The following ZNF407 variants were observed in gnomAD, a reference collection of about 807,000 sequenced individuals.
ZNF407 encodes zinc finger protein 407.
Under a neutral mutation model 131.2 loss-of-function variants are expected in ZNF407, and 17 were observed. That is an observed-to-expected ratio of 0.13 (90% CI 0.09 to 0.19). The LOEUF is 0.19. Ranked by LOEUF, ZNF407 falls within the 10% of genes least tolerant of loss-of-function variation. ZNF407 has a pLI of 1.00. For missense variants in ZNF407, 2,681 were observed against 2,830.6 expected (o/e 0.95, Z 1.20); for synonymous variants, 1,156 against 1,062.0 (o/e 1.09, Z -1.72).
chr18:74,644,600 A>G (rs1984882812), intron 3 of ZNF407, among the ~76,000 whole-genome samples: 4 of 151,942 alleles, frequency 2.6e-5, no homozygotes, highest in Admixed American at 2.6e-4. Flanking sequence ...TACTCTAAAT[A>G]GTATTTATGC....
intron 3 of ZNF407, among the ~76,000 whole-genome samples, chr18:74,774,923 T>A (rs1969436692): frequency 6.6e-6 from 1 of 152,194 alleles, no homozygotes. Context: ...TAATACATTC[T>A]TAGTGAGAGA....
chr18:74,954,793 G>GAACTTCA (rs1232384911), intron 8 of ZNF407, among the ~76,000 whole-genome samples: 1 of 152,114 alleles, frequency 6.6e-6, no homozygotes, highest in Non-Finnish European at 1.5e-5. Flanking sequence ...AGCCACCAGT[G>GAACTTCA]AACTTCATCA....
intron 3 of ZNF407, among the ~76,000 whole-genome samples, chr18:74,680,159 G>A (rs1966947650): frequency 6.6e-6 from 1 of 152,148 alleles, no homozygotes; most frequent in Admixed American, 6.5e-5. Context: ...GGGAGGTTGA[G>A]GTGGGCAGAT....
chr18:74,800,959 C>T (rs545380823), intron 4 of ZNF407, among the ~76,000 whole-genome samples: 56 of 151,858 alleles, frequency 3.7e-4, no homozygotes, highest in African/African-American at 1.3e-3. Flanking sequence ...TTCATTATAC[C>T]GTTTTTTTTT....
chr18:74,643,015 G>A (rs1161388957), intron 3 of ZNF407, among the ~76,000 whole-genome samples: 3 of 152,228 alleles, frequency 2.0e-5, no homozygotes, highest in Admixed American at 1.3e-4. Flanking sequence ...ACTGATCTTT[G>A]TAGTTGGAAC....
intron 4 of ZNF407, among the ~76,000 whole-genome samples, chr18:74,865,839 G>A (rs1426017): frequency 0.011 from 1,658 of 152,216 alleles, 22 homozygotes; most frequent in African/African-American, 0.037. Flanking sequence ...TGCTCTATGA[G>A]GTTTTTCCCA....
chr18:74,781,108 C>T (rs913589650), intron 3 of ZNF407, among the ~76,000 whole-genome samples: 2 of 152,158 alleles, frequency 1.3e-5, no homozygotes, highest in South Asian at 2.1e-4. Context: ...AGGGGCTGTG[C>T]ATGTTATACT....
chr18:74,611,959 C>T (rs765146784), intron 1 of ZNF407, among the ~76,000 whole-genome samples: 3 of 152,138 alleles, frequency 2.0e-5, no homozygotes, highest in African/African-American at 7.2e-5. Context: ...CACAGTCACG[C>T]TCTTTGTAAG....
intron 8 of ZNF407, among the ~76,000 whole-genome samples, chr18:75,047,673 A>G (rs1305760751): frequency 6.6e-6 from 1 of 152,246 alleles, no homozygotes; most frequent in Non-Finnish European, 1.5e-5. Flanking sequence ...TCTGTAAATT[A>G]AGTAAGACAA....
rs182776133 is a variant in ZNF407 at position 74,921,146 on chromosome 18, A to C, written c.5428+454A>C. Reference sequence around the variant, plus strand: ...CGACCACGACCACGGAGTCAAGCGTAGTGGGTGGTAACGGTGCTGTGCGTT... The same window carrying C: ...CGACCACGACCACGGAGTCAAGCGTCGTGGGTGGTAACGGTGCTGTGCGTT... On this transcript the variant is annotated intron_variant, in intron 8 of 8. Transcript: ENST00000299687. 8.7e-4 allele frequency: 415 copies of C among 475,546 alleles called. 4 individuals are homozygous for C. Among genetic ancestry groups the C allele is most frequent in the African/African-American group, 8.1e-3 (386 of 47,496 alleles). The allele number at this position is 475,546 out of a possible 1,614,324, so 29.5% of individuals were successfully genotyped here.
intron 3 of ZNF407, among the ~76,000 whole-genome samples, chr18:74,755,771 T>TTCTTTCTTTCTCTCTC (rs1265035731): frequency 1.5e-5 from 2 of 130,530 alleles, no homozygotes; most frequent in African/African-American, 3.3e-5. Flanking sequence ...CTTTCTTTCT[T>TTCTTTCTTTCTCTCTC]TCTCTCTCTC....
chr18:74,915,404 AGTGTGTGTGT>A (rs61019062), intron 7 of ZNF407, among the ~76,000 whole-genome samples: 1 of 105,790 alleles, frequency 9.5e-6, no homozygotes, highest in Non-Finnish European at 1.9e-5. Flanking sequence ...TCGAATCAGG[AGTGTGTGTGT>A]GTGTGTGTGT....
intron 4 of ZNF407, among the ~76,000 whole-genome samples, chr18:74,802,011 G>T (rs1410637944): frequency 6.6e-6 from 1 of 151,194 alleles, no homozygotes; most frequent in Non-Finnish European, 1.5e-5. Flanking sequence ...ATTTTCCTTT[G>T]CTTAAACAAA....
At chr18:74,600,935 A>T (rs1166902578) in intron 1 of ZNF407, among the ~76,000 whole-genome samples, 1 of 152,154 alleles carries the variant, frequency 6.6e-6, no homozygotes, top group Non-Finnish European at 1.5e-5. Flanking sequence ...GCATGGTGTA[A>T]GGCTAGGGGA....
At chr18:74,814,007 A>C (rs1246525067) in intron 4 of ZNF407, among the ~76,000 whole-genome samples, 1 of 152,114 alleles carries the variant, frequency 6.6e-6, no homozygotes, top group African/African-American at 2.4e-5. Flanking sequence ...TCTGTGTTGG[A>C]TGTGTGGTTC....
chr18:74,796,678 TTG>T (rs1491133756), intron 4 of ZNF407, among the ~76,000 whole-genome samples: 1 of 152,172 alleles, frequency 6.6e-6, no homozygotes, highest in Non-Finnish European at 1.5e-5. Flanking sequence ...GACTCCCAAA[TTG>T]TTTTTAAATT....
intron 8 of ZNF407, among the ~76,000 whole-genome samples, chr18:75,019,948 AG>A (rs1973088035): frequency 6.6e-6 from 1 of 152,120 alleles, no homozygotes; most frequent in African/African-American, 2.4e-5. Flanking sequence ...ACCTCCCACC[AG>A]GTCCCTCCCC....
intron 3 of ZNF407, among the ~76,000 whole-genome samples, chr18:74,780,204 A>G (rs1024524951): frequency 3.9e-5 from 6 of 152,314 alleles, no homozygotes; most frequent in African/African-American, 1.2e-4. Flanking sequence ...TTATTTGAAT[A>G]AAGAAGTCAT....
intron 4 of ZNF407, among the ~76,000 whole-genome samples, chr18:74,825,113 CAT>C (rs1377061158): frequency 6.6e-6 from 1 of 152,176 alleles, no homozygotes; most frequent in African/African-American, 2.4e-5. Flanking sequence ...ACAAAAACCA[CAT>C]GATTATCTCA....
Sources: allele counts gnomAD v4.1 joint callset (sites outside exome capture counted in the v4.1 genomes callset), GRCh38; gene constraint gnomAD v4.1.1; transcripts MANE v1.5; gene names NCBI Gene and HGNC (gene_info 2026-07-23, HGNC 2026-07-21).